XYLT1: variants seen among roughly 807,000 people sequenced by gnomAD.
XYLT1 encodes the protein beta-D-xylosyltransferase 1.
In XYLT1, 36 loss-of-function variants were observed where a neutral mutation model predicts 91.3. The ratio of observed to expected loss-of-function variants is 0.39; its 90% confidence interval spans 0.30 to 0.52. The LOEUF (loss-of-function observed/expected upper bound fraction) is 0.52. XYLT1 is among the 20% of genes least tolerant of loss of function. The pLI is 0.68. For synonymous variants in XYLT1, 588 were observed against 532.0 expected, an observed-to-expected ratio of 1.11 and a Z score of -1.45; for missense variants, 1,242 against 1,284.5, an observed-to-expected ratio of 0.97 and a Z score of 0.51.
rs150334363 is a variant in XYLT1, at chr16:17,108,791, C to T, written c.2784G>A (p.Pro928=). 4.2e-5 allele frequency: 68 copies of T among 1,611,216 alleles called. 1 individual carries two copies. Among genetic ancestry groups the T allele is most frequent in the African/African-American group, 1.7e-4 (13 of 75,032 alleles). ...DICATGPTAC[P]VMQTCSQTAW... ...CCGTCTGGCTGCAGGTCTGCATGACCGGGCAGGCTGTGGGGCCCGTGGCAC... is the reference window on the plus strand; with the variant it reads ...CCGTCTGGCTGCAGGTCTGCATGACTGGGCAGGCTGTGGGGCCCGTGGCAC... Residue 928 remains proline, a synonymous_variant, in exon 12 of 12, where the codon CCG becomes CCA. Coordinates refer to ENST00000261381, the MANE Select transcript of XYLT1 (RefSeq NM_022166.4).
chr16:17,347,916 C>T (rs1229562270), intron 2 of XYLT1, among the ~76,000 whole-genome samples: 1 of 152,182 alleles, frequency 6.6e-6, no homozygotes, highest in East Asian at 1.9e-4. Context: ...TCCTGGACCA[C>T]GGAGACAGTA....
intron 11 of XYLT1, among the ~76,000 whole-genome samples, chr16:17,114,639 T>C (rs1425900357): frequency 6.6e-6 from 1 of 152,116 alleles, no homozygotes; most frequent in Non-Finnish European, 1.5e-5. Flanking sequence ...TGTGTCCCCA[T>C]CCCCTTGCAT....
chr16:17,402,899 T>C (rs1161075518), intron 1 of XYLT1, among the ~76,000 whole-genome samples: 1 of 152,064 alleles, frequency 6.6e-6, no homozygotes, highest in Non-Finnish European at 1.5e-5. Context: ...TCCACCACAC[T>C]TGGCTATTTT....
intron 1 of XYLT1, among the ~76,000 whole-genome samples, chr16:17,462,263 C>T (rs2036833733): frequency 6.6e-6 from 1 of 152,090 alleles, no homozygotes; most frequent in Admixed American, 6.6e-5. Context: ...CCCTAGGTGG[C>T]CCTGAAAGAT....
intron 5 of XYLT1, among the ~76,000 whole-genome samples, chr16:17,189,965 G>C (rs190383916): frequency 7.9e-5 from 12 of 152,310 alleles, no homozygotes; most frequent in Admixed American, 2.0e-4. Context: ...AGAATCTCTT[G>C]AACTTGGGAG....
At chr16:17,374,334 G>A (rs2141877291) in intron 1 of XYLT1, among the ~76,000 whole-genome samples, 1 of 152,294 alleles carries the variant, frequency 6.6e-6, no homozygotes, top group South Asian at 2.1e-4. Context: ...AGGAGCTTGA[G>A]TCTTATCCAA....
chr16:17,419,970 A>T (rs2036231252), intron 1 of XYLT1, among the ~76,000 whole-genome samples: 1 of 152,170 alleles, frequency 6.6e-6, no homozygotes, highest in Admixed American at 6.5e-5. Flanking sequence ...ATGAATCCAA[A>T]ATCTATTGGA....
At chr16:17,189,669 T>C (rs537576459) in intron 5 of XYLT1, among the ~76,000 whole-genome samples, 17 of 152,372 alleles carry the variant, frequency 1.1e-4, no homozygotes, top group African/African-American at 3.6e-4. Context: ...CATGCTACGA[T>C]GCAGATGAAC....
At chr16:17,217,819 T>C (rs765117456) in intron 3 of XYLT1, among the ~76,000 whole-genome samples, 4 of 152,030 alleles carry the variant, frequency 2.6e-5, no homozygotes, top group Non-Finnish European at 4.4e-5. Context: ...CTATAGACCT[T>C]TCCAAAGAAG....
intron 1 of XYLT1, among the ~76,000 whole-genome samples, chr16:17,454,227 A>T (rs2036705455): frequency 6.6e-6 from 1 of 152,274 alleles, no homozygotes; most frequent in Admixed American, 6.5e-5. Context: ...GAATGTTCAC[A>T]GCAGCACTAT....
intron 1 of XYLT1, among the ~76,000 whole-genome samples, chr16:17,436,124 A>G (rs1473615446): frequency 6.6e-6 from 1 of 152,228 alleles, no homozygotes; most frequent in Admixed American, 6.5e-5. Flanking sequence ...CCTGCCATCA[A>G]GTAAGACATG....
intron 1 of XYLT1, among the ~76,000 whole-genome samples, chr16:17,367,168 A>G (rs2141870959): frequency 6.6e-6 from 1 of 152,278 alleles, no homozygotes; most frequent in Middle Eastern, 3.4e-3. Flanking sequence ...TGGGCCACCA[A>G]TGTTAGTTCC....
At chr16:17,154,802 T>C (rs1429065189) in intron 6 of XYLT1, among the ~76,000 whole-genome samples, 1 of 152,184 alleles carries the variant, frequency 6.6e-6, no homozygotes, top group Non-Finnish European at 1.5e-5. Context: ...CCAAATTGGC[T>C]GCTAAAGGTT....
intron 2 of XYLT1, among the ~76,000 whole-genome samples, chr16:17,267,225 A>G (rs1011187876): frequency 1.3e-5 from 2 of 152,182 alleles, no homozygotes; most frequent in African/African-American, 2.4e-5. Context: ...CTCATCTACA[A>G]AAGAAGGGGG....
intron 8 of XYLT1, among the ~76,000 whole-genome samples, chr16:17,137,896 G>A (rs563081462): frequency 6.6e-6 from 1 of 152,330 alleles, no homozygotes; most frequent in Non-Finnish European, 1.5e-5. Context: ...GGGACAGCAT[G>A]TCCCAACAGA....
rs1040391515 is a variant in XYLT1, at chr16:17,102,020, T to C, written c.*6675A>G. 2 of 152,198 alleles carry C rather than the reference T, an allele frequency of 1.3e-5. No homozygotes were observed. Among genetic ancestry groups the C allele is most frequent in the East Asian group, 3.8e-4 (2 of 5,200 alleles). 9.4% of individuals were successfully genotyped at this position (152,198 alleles called of 1,614,324 possible). A position where few individuals can be genotyped will look rare whatever the true frequency, so the allele number is the denominator to read the frequency against. On this transcript the variant is annotated 3_prime_UTR_variant, in exon 12 of 12. Transcript: ENST00000261381. ...TCTCTACTCAGTACGGGTTTAAAAA[T>C]CATATACTTCTGCCTCAACCAGGAG...
chr16:17,351,088 C>T (rs1448052042), intron 2 of XYLT1, among the ~76,000 whole-genome samples: 1 of 152,184 alleles, frequency 6.6e-6, no homozygotes, highest in East Asian at 1.9e-4. Flanking sequence ...AAACCATCTC[C>T]TGATGAGGTT....
intron 6 of XYLT1, among the ~76,000 whole-genome samples, chr16:17,153,922 C>T (rs1424427058): frequency 1.3e-5 from 2 of 152,172 alleles, no homozygotes; most frequent in Non-Finnish European, 2.9e-5. Flanking sequence ...AATGCAGTCA[C>T]TATGGAGTAA....
rs138572899 is a variant in XYLT1, at chr16:17,272,810, G to C, written c.403-13312C>G. 3.9e-5 allele frequency among the ~76,000 whole-genome samples: 6 copies of C among 152,306 alleles called. No homozygotes were observed. The East Asian group carries it at 9.6e-4, about 24-fold the overall frequency. ...ACACTGCTTCCCACCAATGACACAG[G>C]CTCTTCCGGGAGGCCTTCTACCTCC... On this transcript the variant is annotated intron_variant, in intron 2 of 11. Transcript: ENST00000261381.
Sources: gnomAD v4.1 joint callset for allele counts (sites outside exome capture counted in the v4.1 genomes callset) on GRCh38, gnomAD v4.1.1 for gene constraint, MANE v1.5 for transcripts, NCBI Gene and HGNC (gene_info 2026-07-23, HGNC 2026-07-21) for gene names.